The following COL5A2 variants were observed in gnomAD, a reference collection of about 807,000 sequenced individuals.
COL5A2 encodes the protein collagen alpha-2(V) chain.
A neutral mutation model predicts 208.2 loss-of-function variants in COL5A2; 23 were observed. The observed-to-expected ratio is 0.11, with a 90% CI of 0.08 to 0.16. The LOEUF (loss-of-function observed/expected upper bound fraction) is 0.16, where lower values mean the gene tolerates loss of function less well. Ranked by LOEUF, COL5A2 falls within the 10% of genes least tolerant of loss-of-function variation. The probability of loss-of-function intolerance (pLI) is 1.00; values close to 1 mark genes in which losing one functional copy is unlikely to be tolerated. For synonymous variants in COL5A2, 625 were observed against 628.5 expected, an observed-to-expected ratio of 0.99 and a Z score of 0.08; for missense variants, 1,590 against 1,956.4, an observed-to-expected ratio of 0.81 and a Z score of 3.53.
At chr2:189,133,864 T>C (rs1687774140) in intron 1 of COL5A2, among the ~76,000 whole-genome samples, 1 of 152,080 alleles carries the variant, frequency 6.6e-6, no homozygotes, top group Non-Finnish European at 1.5e-5. Context: ...GAATGACTAT[T>C]TTAGTTTTCC....
the COL5A2 span, among the ~76,000 whole-genome samples, chr2:189,398,382 T>C: frequency 6.6e-6 from 1 of 152,170 alleles, no homozygotes; most frequent in Non-Finnish European, 1.5e-5. Context: ...AGTCTTCCAC[T>C]TTAATTGTTG....
chr2:189,341,350 A>C, the COL5A2 span, among the ~76,000 whole-genome samples: 3 of 152,172 alleles, frequency 2.0e-5, no homozygotes, highest in Admixed American at 1.3e-4. Flanking sequence ...TTAGGTTACT[A>C]CTTCCATATG....
At chr2:189,349,928 G>C in the COL5A2 span, among the ~76,000 whole-genome samples, 1 of 152,068 alleles carries the variant, frequency 6.6e-6, no homozygotes, top group Admixed American at 6.6e-5. Context: ...AAGAAAACCA[G>C]ATGCAAGAAT....
chr2:189,124,489 C>T (rs1687571049), intron 1 of COL5A2, among the ~76,000 whole-genome samples: 1 of 152,094 alleles, frequency 6.6e-6, no homozygotes, highest in African/African-American at 2.4e-5. Context: ...ATTCAGCTTG[C>T]ATTATATAAA....
the COL5A2 span, among the ~76,000 whole-genome samples, chr2:189,365,049 A>G: frequency 6.6e-6 from 1 of 152,224 alleles, no homozygotes; most frequent in Non-Finnish European, 1.5e-5. Context: ...AAAAATATAG[A>G]GGGATATAAG....
At chr2:189,246,771 C>T in the COL5A2 span, among the ~76,000 whole-genome samples, 6 of 152,248 alleles carry the variant, frequency 3.9e-5, no homozygotes, top group African/African-American at 1.4e-4. Flanking sequence ...ATGGGGAATA[C>T]GTTTGGCACA....
At chr2:189,118,168 T>A (rs993836471) in intron 1 of COL5A2, among the ~76,000 whole-genome samples, 1 of 152,010 alleles carries the variant, frequency 6.6e-6, no homozygotes, top group Non-Finnish European at 1.5e-5. Flanking sequence ...GGGCCAAACC[T>A]ACAAAGCTTT....
chr2:189,410,269 T>C, the COL5A2 span, among the ~76,000 whole-genome samples: 1 of 152,206 alleles, frequency 6.6e-6, no homozygotes, highest in African/African-American at 2.4e-5. Flanking sequence ...AGATATCATT[T>C]AGTCATCAAA....
intron 1 of COL5A2, among the ~76,000 whole-genome samples, chr2:189,153,288 C>A (rs1028187208): frequency 6.6e-6 from 1 of 152,158 alleles, no homozygotes; most frequent in Non-Finnish European, 1.5e-5. Flanking sequence ...TTCTTGCATG[C>A]TCTTCACATA....
chr2:189,256,309 G>T, the COL5A2 span, among the ~76,000 whole-genome samples: 1 of 152,180 alleles, frequency 6.6e-6, no homozygotes, highest in Non-Finnish European at 1.5e-5. Context: ...AGAGTTTCAA[G>T]TATCTTGGAG....
At chr2:189,117,270 C>T (rs1338779094) in intron 1 of COL5A2, among the ~76,000 whole-genome samples, 1 of 152,004 alleles carries the variant, frequency 6.6e-6, no homozygotes, top group African/African-American at 2.4e-5. Context: ...GATTTTTTTT[C>T]CCACATACCT....
chr2:189,416,945 T>G, the COL5A2 span, among the ~76,000 whole-genome samples: 1 of 152,208 alleles, frequency 6.6e-6, no homozygotes, highest in Non-Finnish European at 1.5e-5. Context: ...CTTTGTCATC[T>G]GCTTAAACAT....
In COL5A2 at chr2:189,150,583, C is replaced by T. The variant is rs189438109; in HGVS notation, c.97+28925G>A. 1.2e-4 allele frequency among the ~76,000 whole-genome samples: 18 copies of T among 152,178 alleles called. No individual in the cohort carries two copies. The East Asian group carries it at 2.9e-3, about 24-fold the overall frequency. On this transcript the variant is annotated intron_variant, in intron 1 of 53. Coordinates refer to ENST00000374866, the MANE Select transcript of COL5A2 (RefSeq NM_000393.5). ...ATTATTTTCCATCTTATAATAAAATCGACCTAAATCAAGCTTGGATTTCTT... is the reference window on the plus strand; with the variant it reads ...ATTATTTTCCATCTTATAATAAAATTGACCTAAATCAAGCTTGGATTTCTT...
intron 15 of COL5A2, 88 bp downstream of exon 15, chr2:189,078,975 T>C: frequency 1.9e-6 from 2 of 1,058,514 alleles, no homozygotes; most frequent in Non-Finnish European, 2.9e-6. Flanking sequence ...TTTATTTTTA[T>C]TTTTCATTTA....
chr2:189,282,107 AC>A, the COL5A2 span, among the ~76,000 whole-genome samples: 1 of 152,008 alleles, frequency 6.6e-6, no homozygotes, highest in Non-Finnish European at 1.5e-5. Context: ...AATTGTTAGA[AC>A]CCTGGAGGCA....
chr2:189,296,136 T>G, the COL5A2 span, among the ~76,000 whole-genome samples: 2 of 152,066 alleles, frequency 1.3e-5, no homozygotes, highest in South Asian at 4.1e-4. Context: ...GGCTCAGTTC[T>G]TTTTTTGTCT....
chr2:189,426,454 A>AC, the COL5A2 span, among the ~76,000 whole-genome samples: 1 of 152,196 alleles, frequency 6.6e-6, no homozygotes, highest in African/African-American at 2.4e-5. Context: ...TTAAAGTCTT[A>AC]CCATCTTTGC....
chr2:189,216,073 T>C (rs1689274705), intron 1 of COL5A2, among the ~76,000 whole-genome samples: 1 of 152,116 alleles, frequency 6.6e-6, no homozygotes. Context: ...TCCTATAAAA[T>C]ATAAAATAGT....
chr2:189,037,714 T>A (rs545575178), intron 51 of COL5A2, among the ~76,000 whole-genome samples: 6 of 152,168 alleles, frequency 3.9e-5, no homozygotes, highest in Non-Finnish European at 7.4e-5. Context: ...TCTTGGAACC[T>A]CATAATAATA....
Sources: allele counts gnomAD v4.1 joint callset (sites outside exome capture counted in the v4.1 genomes callset), GRCh38; gene constraint gnomAD v4.1.1; transcripts MANE v1.5; gene names NCBI Gene and HGNC (gene_info 2026-07-23, HGNC 2026-07-21).